Variants in TRDMT1 observed in about 807,000 individuals in gnomAD.
TRDMT1 encodes tRNA (cytosine(38)-C(5))-methyltransferase.
Under a neutral mutation model 51.2 loss-of-function variants are expected in TRDMT1, and 49 were observed. The observed-to-expected ratio is 0.96, with a 90% CI of 0.76 to 1.21. The LOEUF (loss-of-function observed/expected upper bound fraction) is 1.21, where lower values mean the gene tolerates loss of function less well. TRDMT1 is among the 50% of genes most tolerant of loss of function. The pLI is 0.00. For missense variants in TRDMT1, 534 were observed against 462.3 expected, an observed-to-expected ratio of 1.16 and a Z score of -1.42; for synonymous variants, 187 against 164.6, an observed-to-expected ratio of 1.14 and a Z score of -1.04.
chr10:17,151,159 G>A (rs1838670815), intron 10 of TRDMT1: 2 of 749,006 alleles, frequency 2.7e-6, no homozygotes, highest in African/African-American at 3.8e-5. Flanking sequence ...AGTAATTGAA[G>A]TTTTTGCCAC....
chr10:17,151,198 C>T (rs977577607), intron 10 of TRDMT1: 1 of 841,856 alleles, frequency 1.2e-6, no homozygotes, highest in South Asian at 5.5e-5. Context: ...ACTTTTCTAC[C>T]AATCTAACAA....
In TRDMT1 at chr10:17,161,473, A is replaced by AT. The variant is rs574284628; in HGVS notation, c.389+9dup. The AT allele has an allele frequency of 3.7e-6, 5 of 1,368,722 alleles. No individual in the cohort carries two copies. The highest frequency in any genetic ancestry group is 1.4e-5 in the South Asian group (1 of 71,432). The allele number at this position is 1,368,722 out of a possible 1,614,324, so 84.8% of individuals were successfully genotyped here. A position where few individuals can be genotyped will look rare whatever the true frequency, so the allele number is the denominator to read the frequency against. On this transcript the variant is annotated intron_variant, in intron 5 of 10. Coordinates refer to ENST00000377799, the MANE Select transcript of TRDMT1 (RefSeq NM_004412.7). Reference sequence around the variant, plus strand: ...TCTAAGATGTATGCAAGACAAATACATTTTTTTACCTTGTAGAAGATACTT... The same window carrying AT: ...TCTAAGATGTATGCAAGACAAATACATTTTTTTTACCTTGTAGAAGATACTT...
In TRDMT1 at chr10:17,143,228, C is replaced by T. The variant is rs900423598; in HGVS notation, c.*5812G>A. On this transcript the variant is annotated 3_prime_UTR_variant, in exon 11 of 11. Coordinates refer to ENST00000377799, the MANE Select transcript of TRDMT1 (RefSeq NM_004412.7). ...TTGATTCCAGTATGGTTCCTACATT[C>T]ACTCATTCAACAACTATTTATTGAG... The T allele has an allele frequency of 1.3e-5, 13 of 985,334 alleles. 1 individual carries two copies. Among genetic ancestry groups the T allele is most frequent in the Middle Eastern group, 5.2e-4 (1 of 1,936 alleles). 61.0% of individuals were successfully genotyped at this position (985,334 alleles called of 1,614,324 possible). A position where few individuals can be genotyped will look rare whatever the true frequency, so the allele number is the denominator to read the frequency against.
intron 1 of TRDMT1, among the ~76,000 whole-genome samples, chr10:17,181,638 T>A (rs796799938): frequency 5.3e-5 from 8 of 151,880 alleles, no homozygotes; most frequent in African/African-American, 1.9e-4. Context: ...TGATTATCTA[T>A]CTCAATGCTC....
At chr10:17,158,660 T>A (rs1021932088) in intron 7 of TRDMT1, among the ~76,000 whole-genome samples, 3 of 152,198 alleles carry the variant, frequency 2.0e-5, no homozygotes, top group Admixed American at 2.0e-4. Context: ...AATTAAGCAT[T>A]TTATTCTAGC....
In TRDMT1 at chr10:17,143,864, G is replaced by A; in HGVS notation, c.*5176C>T. 2.0e-6 allele frequency: 2 copies of A among 985,420 alleles called. No individual in the cohort carries two copies. The highest frequency in any genetic ancestry group is 2.4e-6 in the Non-Finnish European group (2 of 829,936). 61.0% of individuals were successfully genotyped at this position (985,420 alleles called of 1,614,324 possible). ...ACCGTACCATAAATATTAAAGTCAA[G>A]AGTGGAACTGACTATAGAATGGAGT... On this transcript the variant is annotated 3_prime_UTR_variant, in exon 11 of 11. Transcript: ENST00000377799.
At chr10:17,183,839 G>T (rs1206055745) in intron 1 of TRDMT1, among the ~76,000 whole-genome samples, 2 of 152,174 alleles carry the variant, frequency 1.3e-5, no homozygotes, top group Non-Finnish European at 2.9e-5. Context: ...AAGTAACAAG[G>T]TCAGACAAGA....
At chr10:17,188,783 A>G (rs1844290908) in intron 1 of TRDMT1, among the ~76,000 whole-genome samples, 1 of 152,162 alleles carries the variant, frequency 6.6e-6, no homozygotes, top group Non-Finnish European at 1.5e-5. Context: ...TAATGATGTC[A>G]CTGGAAATTT....
intron 1 of TRDMT1, among the ~76,000 whole-genome samples, chr10:17,187,589 C>T (rs1844113589): frequency 6.6e-6 from 1 of 152,070 alleles, no homozygotes; most frequent in African/African-American, 2.4e-5. Flanking sequence ...AAAATCCCAC[C>T]CTCAAGGAGC....
At position 17,143,599 on chromosome 10, in the gene TRDMT1, G is replaced by A. The variant is rs1305432941; in HGVS notation, c.*5441C>T. ...ATTCATGCTGGATTAAATTTAGAAG[G>A]CTCAAATCTGTTAAATGTTGACATG... is the stretch of plus-strand genomic sequence containing the variant. On this transcript the variant is annotated 3_prime_UTR_variant, in exon 11 of 11. Coordinates refer to ENST00000377799, the MANE Select transcript of TRDMT1 (RefSeq NM_004412.7). The A allele has an allele frequency of 6.9e-5, 68 of 985,264 alleles. No homozygotes were observed. The highest frequency in any genetic ancestry group is 8.2e-5 in the Non-Finnish European group (68 of 829,932). 61.0% of individuals were successfully genotyped at this position (985,264 alleles called of 1,614,324 possible). A position where few individuals can be genotyped will look rare whatever the true frequency, so the allele number is the denominator to read the frequency against.
chr10:17,164,897 A>G (rs1840955348), intron 3 of TRDMT1, among the ~76,000 whole-genome samples: 1 of 152,236 alleles, frequency 6.6e-6, no homozygotes, highest in African/African-American at 2.4e-5. Context: ...AGAACATTCC[A>G]TGCTCAGGGA....
intron 10 of TRDMT1, chr10:17,150,699 G>A: frequency 3.0e-6 from 3 of 984,668 alleles, no homozygotes; most frequent in Middle Eastern, 5.2e-4. Flanking sequence ...CAGGAAGGTA[G>A]AATTAGTTAC....
Position 17,153,588 on chromosome 10 carries a change from T to A in TRDMT1, c.994A>T (p.Ile332Leu). 6.2e-7 allele frequency: 1 copy of A among 1,609,800 alleles called. No homozygotes were observed. Among genetic ancestry groups the A allele is most frequent in the Non-Finnish European group, 8.5e-7 (1 of 1,178,388 alleles). Reference sequence around the variant, plus strand: ...AGTTTAAGTATTAACAGCTTTGTTATCTGTTCTTCTTGTGACAAATTGGTA... The same window carrying A: ...AGTTTAAGTATTAACAGCTTTGTTAACTGTTCTTCTTGTGACAAATTGGTA... ...SLTNLSQEEQITKLLILKLRY... is the reference protein window; with the variant it reads ...SLTNLSQEEQLTKLLILKLRY... Residue 332 changes from isoleucine to leucine, a missense_variant, in exon 10 of 11, where the codon ATA (isoleucine) becomes TTA (leucine). Coordinates refer to ENST00000377799, the MANE Select transcript of TRDMT1 (RefSeq NM_004412.7).
intron 1 of TRDMT1, among the ~76,000 whole-genome samples, chr10:17,183,907 T>A (rs1175553716): frequency 6.6e-6 from 1 of 152,178 alleles, no homozygotes; most frequent in Non-Finnish European, 1.5e-5. Context: ...CACAGGCACA[T>A]ACACACCAGT....
chr10:17,141,095 C>T lies in TRDMT1; in HGVS notation c.*7945G>A, dbSNP rs369237288. 7.9e-5 allele frequency among the ~76,000 whole-genome samples: 12 copies of T among 152,232 alleles called. No homozygotes were observed. The highest frequency in any genetic ancestry group is 2.9e-4 in the African/African-American group (12 of 41,460). ...CTGGTCCTCATGGTTTTGGATGAGA[C>T]ATCTACTGTCATCCAAATTGTGTCC... On this transcript the variant is annotated 3_prime_UTR_variant, in exon 11 of 11. Transcript: ENST00000377799.
chr10:17,156,386 C>T (rs1295945890), intron 8 of TRDMT1, among the ~76,000 whole-genome samples: 2 of 152,020 alleles, frequency 1.3e-5, no homozygotes, highest in Non-Finnish European at 2.9e-5. Flanking sequence ...AGGCACCCAC[C>T]ACCATGCCTG....
intron 10 of TRDMT1, chr10:17,153,260 C>T (rs951615733): frequency 4.0e-6 from 2 of 498,192 alleles, no homozygotes; most frequent in South Asian, 4.0e-5. Context: ...CCAATGTGAC[C>T]CTTCTAGCCA....
chr10:17,153,998 G>T (rs1332063710), intron 9 of TRDMT1, among the ~76,000 whole-genome samples: 4 of 152,026 alleles, frequency 2.6e-5, no homozygotes, highest in African/African-American at 7.2e-5. Context: ...TAAAACAGGA[G>T]AATCATTAAA....
At chr10:17,171,780 G>A (rs1003143728) in intron 2 of TRDMT1, 4 of 152,182 alleles carry the variant, frequency 2.6e-5, no homozygotes, top group African/African-American at 7.2e-5. Context: ...CTCCTAACAC[G>A]GCAGCTTCAT....
Sources: gnomAD v4.1 joint callset for allele counts (sites outside exome capture counted in the v4.1 genomes callset) on GRCh38, gnomAD v4.1.1 for gene constraint, MANE v1.5 for transcripts, NCBI Gene and HGNC (gene_info 2026-07-23, HGNC 2026-07-21) for gene names.